The following KCNQ5 variants were observed in gnomAD, a reference collection of about 807,000 sequenced individuals.
KCNQ5 encodes potassium voltage-gated channel subfamily Q member 5.
KCNQ5 carries 30 observed loss-of-function variants against 98.2 expected under a neutral mutation model. That is an observed-to-expected ratio of 0.31 (90% CI 0.23 to 0.41). KCNQ5 has a LOEUF of 0.41. KCNQ5 is among the 10% of genes least tolerant of loss of function. The pLI is 1.00. For synonymous variants in KCNQ5, 458 were observed against 449.4 expected (o/e 1.02, Z -0.24); for missense variants, 835 against 1,182.5 (o/e 0.71, Z 4.31).
At chr6:72,856,719 G>T (rs1777548208) in intron 1 of KCNQ5, among the ~76,000 whole-genome samples, 1 of 152,124 alleles carries the variant, frequency 6.6e-6, no homozygotes, top group South Asian at 2.1e-4. Context: ...ATTATCTAAT[G>T]ACAAAGAAAT....
chr6:73,142,137 G>T, intron 10 of KCNQ5, among the ~76,000 whole-genome samples: 1 of 152,230 alleles, frequency 6.6e-6, no homozygotes, highest in South Asian at 2.1e-4. Context: ...GAGAGAGTAC[G>T]CAGAGAGAAG....
chr6:72,905,541 G>A (rs1259524045), intron 1 of KCNQ5, among the ~76,000 whole-genome samples: 1 of 152,156 alleles, frequency 6.6e-6, no homozygotes, highest in Non-Finnish European at 1.5e-5. Context: ...GAAGGTTGTT[G>A]TTCTGATTAT....
intron 2 of KCNQ5, among the ~76,000 whole-genome samples, chr6:73,029,064 TG>T (rs1771016960): frequency 6.6e-6 from 1 of 152,106 alleles, no homozygotes. Context: ...GCATAATGGG[TG>T]GCAAGCAGGC....
At chr6:72,926,883 A>G (rs73753207) in intron 1 of KCNQ5, among the ~76,000 whole-genome samples, 2,283 of 152,210 alleles carry the variant, frequency 0.015, 54 homozygotes, top group African/African-American at 0.051. Flanking sequence ...CTCTTAATAA[A>G]GGGAATAATT....
At chr6:72,778,057 C>A (rs12529830) in intron 1 of KCNQ5, among the ~76,000 whole-genome samples, 82,160 of 151,926 alleles carry the variant, frequency 0.54, 22,629 homozygotes, top group Middle Eastern at 0.62. Flanking sequence ...AAAACATGAA[C>A]GTGGATGCCA....
At chr6:72,918,505 A>G (rs1482460281) in intron 1 of KCNQ5, among the ~76,000 whole-genome samples, 1 of 151,954 alleles carries the variant, frequency 6.6e-6, no homozygotes, top group Non-Finnish European at 1.5e-5. Context: ...TATATGAGGA[A>G]AGGCACATTT....
intron 5 of KCNQ5, 43 bp downstream of exon 5, chr6:73,077,930 TTG>T: frequency 6.6e-7 from 1 of 1,511,058 alleles, no homozygotes; most frequent in Non-Finnish European, 8.9e-7. Context: ...ATGTTGTGAA[TTG>T]TTTTTTTTTA....
intron 1 of KCNQ5, among the ~76,000 whole-genome samples, chr6:72,818,752 A>T (rs1775618438): frequency 6.6e-6 from 1 of 151,114 alleles, no homozygotes; most frequent in Non-Finnish European, 1.5e-5. Flanking sequence ...GTATTATTTT[A>T]AAATAATAAA....
chr6:72,666,246 T>C (rs552038182), intron 1 of KCNQ5, among the ~76,000 whole-genome samples: 1 of 152,178 alleles, frequency 6.6e-6, no homozygotes, highest in Admixed American at 6.5e-5. Flanking sequence ...CATCACGATA[T>C]TAAAAAGGAC....
At chr6:73,005,637 A>G (rs188236977) in intron 2 of KCNQ5, among the ~76,000 whole-genome samples, 1 of 152,344 alleles carries the variant, frequency 6.6e-6, no homozygotes, top group African/African-American at 2.4e-5. Context: ...AAAACCTGTT[A>G]AATAGTGAAC....
chr6:72,895,735 G>GTTTTATGGTAAT (rs1779227754), intron 1 of KCNQ5, among the ~76,000 whole-genome samples: 1 of 149,516 alleles, frequency 6.7e-6, no homozygotes. Context: ...ACCCATAATA[G>GTTTTATGGTAAT]GCCTAATGCA....
chr6:72,726,701 G>A (rs1770299304), intron 1 of KCNQ5, among the ~76,000 whole-genome samples: 1 of 152,072 alleles, frequency 6.6e-6, no homozygotes, highest in Admixed American at 6.5e-5. Context: ...GAATGTTGTT[G>A]AATACAGAAA....
intron 1 of KCNQ5, among the ~76,000 whole-genome samples, chr6:72,675,289 A>G (rs906357055): frequency 6.6e-6 from 1 of 152,200 alleles, no homozygotes; most frequent in African/African-American, 2.4e-5. Flanking sequence ...CAAGTTAATT[A>G]TACTTTCTAT....
At chr6:72,830,114 C>A (rs1485699477) in intron 1 of KCNQ5, among the ~76,000 whole-genome samples, 2 of 152,140 alleles carry the variant, frequency 1.3e-5, no homozygotes, top group African/African-American at 4.8e-5. Context: ...ACATTCCATG[C>A]TCATGGATAG....
chr6:72,950,465 G>T (rs954228465), intron 1 of KCNQ5, among the ~76,000 whole-genome samples: 1 of 152,152 alleles, frequency 6.6e-6, no homozygotes, highest in Non-Finnish European at 1.5e-5. Flanking sequence ...ACTGATTATC[G>T]CCAACTTGTT....
At chr6:72,982,062 G>C (rs1011306828) in intron 1 of KCNQ5, among the ~76,000 whole-genome samples, 1 of 152,148 alleles carries the variant, frequency 6.6e-6, no homozygotes, top group African/African-American at 2.4e-5. Context: ...GCAGAGGAGT[G>C]CTTTACTTCC....
intron 1 of KCNQ5, among the ~76,000 whole-genome samples, chr6:72,806,236 T>TAA (rs551177947): frequency 1.3e-5 from 2 of 152,132 alleles, no homozygotes; most frequent in Non-Finnish European, 2.9e-5. Context: ...ACGATATATA[T>TAA]AATCATAGAA....
At chr6:72,983,489 A>G (rs1392575701) in intron 1 of KCNQ5, among the ~76,000 whole-genome samples, 2 of 152,154 alleles carry the variant, frequency 1.3e-5, no homozygotes, top group African/African-American at 4.8e-5. Context: ...TGCATGTATC[A>G]CATAGTTCTC....
At chr6:72,673,238 G>A in intron 1 of KCNQ5, among the ~76,000 whole-genome samples, 1 of 152,016 alleles carries the variant, frequency 6.6e-6, no homozygotes, top group East Asian at 1.9e-4. Flanking sequence ...ATGGATCTAG[G>A]GTGTTGGGTT....
Sources: allele counts gnomAD v4.1 joint callset (sites outside exome capture counted in the v4.1 genomes callset), GRCh38; gene constraint gnomAD v4.1.1; transcripts MANE v1.5; gene names NCBI Gene and HGNC (gene_info 2026-07-23, HGNC 2026-07-21).